DTX3L: variants seen among roughly 807,000 people sequenced by gnomAD.
The protein encoded by DTX3L is E3 ubiquitin-protein ligase DTX3L.
DTX3L carries 34 observed loss-of-function variants against 60.9 expected under a neutral mutation model. The ratio of observed to expected loss-of-function variants is 0.56; its 90% CI spans 0.42 to 0.74. The LOEUF is 0.74. Among genes scored for constraint, DTX3L ranks in the 30% least tolerant of loss-of-function variants. The probability of loss-of-function intolerance (pLI) is 0.00; values close to 1 mark genes in which losing one functional copy is unlikely to be tolerated. For missense variants in DTX3L, 810 were observed against 874.0 expected (o/e 0.93, Z 0.92); for synonymous variants, 290 against 316.6 (o/e 0.92, Z 0.89).
In DTX3L at chr3:122,564,567, A is replaced by G; in HGVS notation, c.141A>G (p.Glu47=). 5.0e-6 allele frequency: 8 copies of G among 1,606,438 alleles called. No individual in the cohort carries two copies. The highest frequency in any genetic ancestry group is 6.8e-6 in the Non-Finnish European group (8 of 1,176,312). ...GGGAGTGCACGGTCAGCACCCAGGAACACGAAGCCCCGGGCACCTTCCGGG... is the reference window on the plus strand; with the variant it reads ...GGGAGTGCACGGTCAGCACCCAGGAGCACGAAGCCCCGGGCACCTTCCGGG... The part of the protein sequence containing the change: ...GGGECTVSTQ[E]HEAPGTFRVE... The change falls in exon 1 of 5, where the codon GAA becomes GAG. Residue 47 remains glutamate (E), a synonymous_variant. Coordinates refer to ENST00000296161, the MANE Select transcript of DTX3L (RefSeq NM_138287.3).
At chr3:122,567,701 C>T (rs1026231323) in intron 2 of DTX3L, among the ~76,000 whole-genome samples, 6 of 152,140 alleles carry the variant, frequency 3.9e-5, no homozygotes, top group Non-Finnish European at 8.8e-5. Flanking sequence ...AGCCATTGCC[C>T]TCAGTTTTAT....
rs748906147 is a variant in DTX3L at position 122,569,394 on chromosome 3, A to G, written c.1305A>G (p.Ala435=). The G allele has an allele frequency of 1.5e-5, 24 of 1,614,068 alleles. No individual in the cohort carries two copies. In the African/African-American group the frequency reaches 2.4e-4, roughly 16 times the overall value. Residue 435 remains alanine, a synonymous_variant, in exon 3 of 5, where the codon GCA becomes GCG. Transcript: ENST00000296161. ...RQVDLSVHAY[A]SFIDAFQHAS... is the part of the protein sequence containing the mutation. ...TAGATCTATCTGTGCATGCTTATGC[A>G]AGTTTCATCGATGCCTTTCAACATG...
chr3:122,570,557 G>A lies in DTX3L; in HGVS notation c.2038G>A (p.Ala680Thr), dbSNP rs1217692367. ...GAAGGTTTTGAAACTGCTTTATAGG[G>A]CCTTTGACCAAAAGCTGATTTTTAC... ...GRKVLKLLYRAFDQKLIFTVG... is the reference protein window; with the variant it reads ...GRKVLKLLYRTFDQKLIFTVG... The change falls in exon 4 of 5, where the codon GCC becomes ACC. Residue 680 changes from alanine (A) to threonine (T), a missense_variant. Coordinates refer to ENST00000296161, the MANE Select transcript of DTX3L (RefSeq NM_138287.3). 6.2e-7 allele frequency: 1 copy of A among 1,614,144 alleles called. No individual in the cohort carries two copies. Among genetic ancestry groups the A allele is most frequent in the African/African-American group, 1.3e-5 (1 of 75,016 alleles).
rs1450187124 is a variant in DTX3L at position 122,568,656 on chromosome 3, T to C, written c.567T>C (p.Ser189=). 1 of 1,614,178 alleles carries C rather than the reference T, an allele frequency of 6.2e-7. No homozygotes were observed. Among genetic ancestry groups the C allele is most frequent in the East Asian group, 2.2e-5 (1 of 44,880 alleles). ...QDIERIHQFL[S]EQFLESEQKQ... The stretch of plus-strand genomic sequence containing the variant: ...TTGAAAGAATACATCAATTTTTGAG[T>C]GAGCAGTTCCTGGAAAGTGAGCAGA... The change falls in exon 3 of 5, where the codon AGT becomes AGC. Residue 189 remains serine (S), a synonymous_variant. Transcript: ENST00000296161.
chr3:122,569,031 C>T lies in DTX3L; in HGVS notation c.942C>T (p.Asp314=). 1.2e-6 allele frequency: 2 copies of T among 1,614,070 alleles called. No homozygotes were observed. Among genetic ancestry groups the T allele is most frequent in the African/African-American group, 1.3e-5 (1 of 75,020 alleles). Residue 314 remains aspartate, a synonymous_variant, in exon 3 of 5, where the codon GAC becomes GAT. Coordinates refer to ENST00000296161, the MANE Select transcript of DTX3L (RefSeq NM_138287.3). ...PLKQECVSLA[D]SKQANKFKQE... The stretch of plus-strand genomic sequence containing the variant: ...AGCAAGAATGTGTCTCTTTAGCAGA[C>T]AGTAAGCAGGCAAATAAATTCAAAC...
Position 122,571,889 on chromosome 3 carries a change from C to A in DTX3L, c.*142C>A. 1.6e-6 allele frequency: 1 copy of A among 644,098 alleles called. No homozygotes were observed. The highest frequency in any genetic ancestry group is 2.6e-6 in the Non-Finnish European group (1 of 385,154). 39.9% of individuals were successfully genotyped at this position (644,098 alleles called of 1,614,324 possible). A position where few individuals can be genotyped will look rare whatever the true frequency, so the allele number is the denominator to read the frequency against. On this transcript the variant is annotated 3_prime_UTR_variant, in exon 5 of 5. Transcript: ENST00000296161. ...AAATGGTTTGTATAAGAATAACAAT[C>A]TGCTAGTCTGTCATTTCTGGAGTGA...
chr3:122,567,742 A>C (rs909853877), intron 2 of DTX3L, among the ~76,000 whole-genome samples: 2 of 152,152 alleles, frequency 1.3e-5, no homozygotes, highest in Non-Finnish European at 2.9e-5. Context: ...AACTTTTGTG[A>C]GGGCCACAAC....
chr3:122,568,382 A>G (rs1469818828), intron 2 of DTX3L, 107 bp from the exon 3 acceptor site: 2 of 617,370 alleles, frequency 3.2e-6, no homozygotes, highest in Admixed American at 4.2e-5. Context: ...CCACTTGGGA[A>G]AGATGTAGTG....
At position 122,571,958 on chromosome 3, in the gene DTX3L, G is replaced by C. The variant is rs887400370; in HGVS notation, c.*211G>C. 8.6e-6 allele frequency: 3 copies of C among 349,200 alleles called. No homozygotes were observed. The highest frequency in any genetic ancestry group is 2.1e-5 in the African/African-American group (1 of 48,580). 21.6% of individuals were successfully genotyped at this position (349,200 alleles called of 1,614,324 possible). A position where few individuals can be genotyped will look rare whatever the true frequency, so the allele number is the denominator to read the frequency against. On this transcript the variant is annotated 3_prime_UTR_variant, in exon 5 of 5. Transcript: ENST00000296161. ...GGAGTCTGCTCTGTCGCTCGCGCTG[G>C]AGTGCAGTGGCATGATCTCGGCTCA...
chr3:122,564,888 T>A (rs56303024), intron 1 of DTX3L, among the ~76,000 whole-genome samples: 24,482 of 152,214 alleles, frequency 0.16, 1,974 homozygotes, highest in Middle Eastern at 0.29. Context: ...ATTTCTCAGC[T>A]GTCATCTTCC....
intron 2 of DTX3L, among the ~76,000 whole-genome samples, chr3:122,566,863 C>T (rs1299159795): frequency 6.6e-6 from 1 of 152,130 alleles, no homozygotes; most frequent in African/African-American, 2.4e-5. Flanking sequence ...GAGAGAGAAA[C>T]AGACAATATT....
At chr3:122,570,820 A>C (rs1222303537) in intron 4 of DTX3L, 148 bp downstream of exon 4, 2 of 839,058 alleles carry the variant, frequency 2.4e-6, no homozygotes, top group African/African-American at 3.4e-5. Context: ...TCTCAAAGAC[A>C]GAAAGATTGG....
In DTX3L at chr3:122,569,310, C is replaced by T. The variant is rs745587319; in HGVS notation, c.1221C>T (p.Ser407=). ...TCGAAAAAAGGTATGACATTTGCAG[C>T]AAGGTTTCTGAGAAAGGTCAGAAAA... The part of the protein sequence containing the change: ...SEIEKRYDIC[S]KVSEKGQKTC... Residue 407 remains serine, a synonymous_variant, in exon 3 of 5, where the codon AGC becomes AGT. Transcript: ENST00000296161. The T allele has an allele frequency of 1.9e-6, 3 of 1,614,084 alleles. No homozygotes were observed. The highest frequency in any genetic ancestry group is 2.2e-5 in the South Asian group (2 of 91,092).
Position 122,565,919 on chromosome 3 carries a change from C to A in DTX3L, c.248C>A (p.Pro83His), listed in dbSNP as rs1480768068. The change falls in exon 2 of 5, where the codon CCC (proline) becomes CAC (histidine). Residue 83 changes from proline (P) to histidine (H), a missense_variant. Pro to His is a moderately conservative substitution (Grantham distance 77). Coordinates refer to ENST00000296161, the MANE Select transcript of DTX3L (RefSeq NM_138287.3). ...HQILVDEKPV[P>H]IFLVPTENSI... ...ATACTTGTTGACGAAAAACCTGTGC[C>A]CATTTTCCTGGTACCCACTGAAAAT... The A allele has an allele frequency of 1.9e-6, 3 of 1,614,124 alleles. No homozygotes were observed. Among genetic ancestry groups the A allele is most frequent in the East Asian group, 4.5e-5 (2 of 44,884 alleles).
Position 122,575,035 on chromosome 3 carries a change from A to C in DTX3L, c.*3288A>C, listed in dbSNP as rs549720323. 6.6e-6 allele frequency: 1 copy of C among 152,338 alleles called. No individual in the cohort carries two copies. The highest frequency in any genetic ancestry group is 2.1e-4 in the South Asian group (1 of 4,828). The allele number at this position is 152,338 out of a possible 1,614,324, so 9.4% of individuals were successfully genotyped here. ...TAGCTAAATTTGTTCCAAAGAAGCA[A>C]AAGTTTGGTTTCTACTAAGTTCTGG... On this transcript the variant is annotated 3_prime_UTR_variant, in exon 5 of 5. Coordinates refer to ENST00000296161, the MANE Select transcript of DTX3L (RefSeq NM_138287.3).
rs1289296524 is a variant in DTX3L, at chr3:122,574,165, A to T, written c.*2418A>T. The T allele has an allele frequency of 6.6e-6, 1 of 152,024 alleles. No individual in the cohort carries two copies. Among genetic ancestry groups the T allele is most frequent in the Non-Finnish European group, 1.5e-5 (1 of 67,982 alleles). 9.4% of individuals were successfully genotyped at this position (152,024 alleles called of 1,614,324 possible). The stretch of plus-strand genomic sequence containing the variant: ...CTTCCAGGTTTAACAGACAAAATAA[A>T]CTTACTCTAGTTTCCATCTCTATCA... On this transcript the variant is annotated 3_prime_UTR_variant, in exon 5 of 5. Transcript: ENST00000296161.
At chr3:122,567,626 G>A (rs892865998) in intron 2 of DTX3L, among the ~76,000 whole-genome samples, 1 of 152,148 alleles carries the variant, frequency 6.6e-6, no homozygotes, top group Non-Finnish European at 1.5e-5. Context: ...GCATGCAGTC[G>A]AGTGTTTAGT....
At chr3:122,565,564 A>G (rs1472982752) in intron 1 of DTX3L, among the ~76,000 whole-genome samples, 2 of 151,460 alleles carry the variant, frequency 1.3e-5, no homozygotes, top group East Asian at 1.9e-4. Context: ...AGGGAGGGAA[A>G]GAAGGAAGAA....
chr3:122,568,726 C>T lies in DTX3L; in HGVS notation c.637C>T (p.Gln213Ter). ...PSMTERKPLS[Q>*]QERDSCISPS... ...AATGACAGAGAGGAAGCCACTCAGT[C>T]AGCAGGAGAGGGACAGCTGCATTTC... is the stretch of plus-strand genomic sequence containing the variant. The change falls in exon 3 of 5, where the codon CAG (glutamine) becomes TAG (stop). Residue 213 changes from glutamine (Q) to a stop codon, truncating the protein, a stop_gained. Transcript: ENST00000296161. LOFTEE classifies it high-confidence loss of function. 6.2e-7 allele frequency: 1 copy of T among 1,614,176 alleles called. No individual in the cohort carries two copies. Among genetic ancestry groups the T allele is most frequent in the Non-Finnish European group, 8.5e-7 (1 of 1,180,038 alleles).
Sources: gnomAD v4.1 joint callset for allele counts (sites outside exome capture counted in the v4.1 genomes callset) on GRCh38, gnomAD v4.1.1 for gene constraint, MANE v1.5 for transcripts, NCBI Gene and HGNC (gene_info 2026-07-23, HGNC 2026-07-21) for gene names.